The following MDFIC2 variants were observed in gnomAD, a reference collection of about 807,000 sequenced individuals.
MDFIC2 encodes the protein myoD family inhibitor domain-containing protein 2.
chr3:70,228,451 G>A (rs1423416133), intron 2 of MDFIC2, among the ~76,000 whole-genome samples: 1 of 151,906 alleles, frequency 6.6e-6, no homozygotes, highest in Non-Finnish European at 1.5e-5. Context: ...TTCACTGATA[G>A]AGATTCAGAA....
intron 2 of MDFIC2, among the ~76,000 whole-genome samples, chr3:70,305,114 C>T (rs1377680465): frequency 2.0e-5 from 3 of 152,150 alleles, no homozygotes; most frequent in Non-Finnish European, 4.4e-5. Flanking sequence ...CAATCTCTAT[C>T]ACAACATCTT....
chr3:70,237,851 T>G (rs1701625383), intron 2 of MDFIC2, among the ~76,000 whole-genome samples: 1 of 152,070 alleles, frequency 6.6e-6, no homozygotes, highest in Non-Finnish European at 1.5e-5. Flanking sequence ...GCACTGAAAG[T>G]GCCCCTTAAT....
chr3:70,227,208 A>C (rs1187014217), intron 2 of MDFIC2, among the ~76,000 whole-genome samples: 1 of 152,222 alleles, frequency 6.6e-6, no homozygotes, highest in Non-Finnish European at 1.5e-5. Context: ...TGAATTAGAA[A>C]GGAAATAGAC....
intron 2 of MDFIC2, among the ~76,000 whole-genome samples, chr3:70,217,436 C>T (rs1177041412): frequency 6.6e-6 from 1 of 152,032 alleles, no homozygotes; most frequent in Non-Finnish European, 1.5e-5. Context: ...TTGCTAATTG[C>T]CTTCCAGAAA....
intron 2 of MDFIC2, among the ~76,000 whole-genome samples, chr3:70,236,790 C>A (rs1436984208): frequency 6.6e-6 from 1 of 152,090 alleles, no homozygotes; most frequent in Non-Finnish European, 1.5e-5. Flanking sequence ...GGAATGGGGT[C>A]TTTGTATGTT....
At chr3:70,272,825 T>A (rs115691069) in intron 2 of MDFIC2, among the ~76,000 whole-genome samples, 37 of 152,336 alleles carry the variant, frequency 2.4e-4, no homozygotes, top group African/African-American at 8.2e-4. Flanking sequence ...AGTTAGAATT[T>A]TCTTTCGGCA....
chr3:70,195,019 T>G lies in MDFIC2; in HGVS notation c.*1907A>C, dbSNP rs1402658943. On this transcript the variant is annotated 3_prime_UTR_variant, in exon 4 of 4. Transcript: ENST00000567252. ...TTAACAATTGTAACACCTGCACCAC[T>G]GAGTACCAGCTGGACTGAGAATTGG... Among the ~76,000 whole-genome samples the G allele has an allele frequency of 2.0e-5, 3 of 152,118 alleles. No individual in the cohort carries two copies. The highest frequency in any genetic ancestry group is 4.4e-5 in the Non-Finnish European group (3 of 68,028).
Position 70,204,661 on chromosome 3 carries a change from T to C in MDFIC2, c.310+1908A>G, listed in dbSNP as rs556635708. 2.0e-5 allele frequency: 3 copies of C among 152,008 alleles called. No homozygotes were observed. The South Asian group carries it at 6.2e-4, about 32-fold the overall frequency. The allele number at this position is 152,008 out of a possible 1,614,324, so 9.4% of individuals were successfully genotyped here. A position where few individuals can be genotyped will look rare whatever the true frequency, so the allele number is the denominator to read the frequency against. The stretch of plus-strand genomic sequence containing the variant: ...GAGTAGTCAGCTATTTTCTTTCTTT[T>C]TTTTTTTTTGAATGGGGCTCTTGAG... On this transcript the variant is annotated intron_variant, in intron 3 of 3. Coordinates refer to ENST00000567252, the MANE Select transcript of MDFIC2 (RefSeq NM_001364677.1).
chr3:70,229,557 A>G (rs1021226340), intron 2 of MDFIC2, among the ~76,000 whole-genome samples: 1 of 152,202 alleles, frequency 6.6e-6, no homozygotes, highest in Non-Finnish European at 1.5e-5. Flanking sequence ...CTGAAGGGAC[A>G]TGGGCAGAAA....
chr3:70,297,697 A>G (rs926219761), intron 2 of MDFIC2, among the ~76,000 whole-genome samples: 1 of 152,044 alleles, frequency 6.6e-6, no homozygotes, highest in South Asian at 2.1e-4. Context: ...TTCCTTAAGC[A>G]TTTGTTTATT....
rs180920244 is a variant in MDFIC2 at position 70,295,591 on chromosome 3, C to G, written c.88+16295G>C. Reference sequence around the variant, plus strand: ...GGTGGTGCGCACCTGTAGTCCTATTCCTAAGTACTTGGGAGACTTGAGCCC... The same window carrying G: ...GGTGGTGCGCACCTGTAGTCCTATTGCTAAGTACTTGGGAGACTTGAGCCC... On this transcript the variant is annotated intron_variant, in intron 2 of 3. Coordinates refer to ENST00000567252, the MANE Select transcript of MDFIC2 (RefSeq NM_001364677.1). Among the ~76,000 whole-genome samples, 8 of 152,132 alleles carry G rather than the reference C, an allele frequency of 5.3e-5. No homozygotes were observed. The East Asian group carries it at 1.6e-3, about 30-fold the overall frequency.
chr3:70,244,946 A>G (rs1701692810), intron 2 of MDFIC2, among the ~76,000 whole-genome samples: 1 of 152,294 alleles, frequency 6.6e-6, no homozygotes, highest in South Asian at 2.1e-4. Flanking sequence ...TATTCCCCCA[A>G]ATTATATATA....
intron 2 of MDFIC2, among the ~76,000 whole-genome samples, chr3:70,243,785 T>C (rs534428532): frequency 6.6e-6 from 1 of 152,256 alleles, no homozygotes; most frequent in Admixed American, 6.5e-5. Flanking sequence ...TAAAGGAATT[T>C]CCATAAAAAG....
intron 3 of MDFIC2, among the ~76,000 whole-genome samples, chr3:70,202,478 G>C (rs1419788457): frequency 1.3e-5 from 2 of 152,100 alleles, no homozygotes; most frequent in Non-Finnish European, 2.9e-5. Flanking sequence ...TGACTTTTCT[G>C]CTCTTCTAAA....
At chr3:70,310,388 CAG>C (rs1702443307) in intron 2 of MDFIC2, among the ~76,000 whole-genome samples, 4 of 151,766 alleles carry the variant, frequency 2.6e-5, no homozygotes, top group East Asian at 3.9e-4. Flanking sequence ...TTTTTTGAGA[CAG>C]AGTTTTGCTC....
chr3:70,204,900 A>T (rs1374558954), intron 3 of MDFIC2: 1 of 152,110 alleles, frequency 6.6e-6, no homozygotes, highest in African/African-American at 2.4e-5. Flanking sequence ...TATTCACATG[A>T]TGAGTAGCAT....
At chr3:70,283,311 G>T (rs1350490465) in intron 2 of MDFIC2, among the ~76,000 whole-genome samples, 1 of 152,014 alleles carries the variant, frequency 6.6e-6, no homozygotes, top group African/African-American at 2.4e-5. Flanking sequence ...AATGCACTGT[G>T]CCTGGCAGAT....
chr3:70,229,164 T>G (rs1001959282), intron 2 of MDFIC2, among the ~76,000 whole-genome samples: 1 of 152,174 alleles, frequency 6.6e-6, no homozygotes, highest in African/African-American at 2.4e-5. Context: ...TTTACCACAA[T>G]TTTTAGTTAT....
intron 2 of MDFIC2, among the ~76,000 whole-genome samples, chr3:70,223,973 G>A (rs1559539009): frequency 6.6e-6 from 1 of 151,560 alleles, no homozygotes; most frequent in East Asian, 1.9e-4. Flanking sequence ...AACCTGATAT[G>A]CTATCTCTAT....
Sources: allele counts gnomAD v4.1 joint callset (sites outside exome capture counted in the v4.1 genomes callset), GRCh38; gene constraint gnomAD v4.1.1; transcripts MANE v1.5; gene names NCBI Gene and HGNC (gene_info 2026-07-23, HGNC 2026-07-21).